Variants in NUMB observed in about 807,000 individuals in gnomAD.
The protein encoded by NUMB is NUMB endocytic adaptor protein.
NUMB carries 29 observed loss-of-function variants against 59.7 expected under a neutral mutation model. The ratio of observed to expected loss-of-function variants is 0.49; its 90% confidence interval spans 0.36 to 0.66. NUMB has a LOEUF of 0.66. NUMB is among the 30% of genes least tolerant of loss of function. The pLI, the probability that NUMB is intolerant of heterozygous loss-of-function variation, is 0.00. For synonymous variants in NUMB, 288 were observed against 288.2 expected (o/e 1.00, Z 0.01); for missense variants, 723 against 822.0 (o/e 0.88, Z 1.47).
At chr14:73,305,536 A>C (rs1890382903) in intron 6 of NUMB, among the ~76,000 whole-genome samples, 1 of 152,200 alleles carries the variant, frequency 6.6e-6, no homozygotes, top group Non-Finnish European at 1.5e-5. Context: ...TGACATTTGG[A>C]GGCAAGACAG....
At chr14:73,394,892 T>C (rs917607810) in intron 2 of NUMB, among the ~76,000 whole-genome samples, 1 of 152,220 alleles carries the variant, frequency 6.6e-6, no homozygotes, top group African/African-American at 2.4e-5. Context: ...AAAGTCAATA[T>C]TAGCACCCGG....
chr14:73,429,452 C>G (rs758479671), intron 1 of NUMB, among the ~76,000 whole-genome samples: 30 of 152,096 alleles, frequency 2.0e-4, no homozygotes, highest in Admixed American at 1.4e-3. Context: ...CAGTATGTGG[C>G]CTTTTAAGTC....
intron 2 of NUMB, among the ~76,000 whole-genome samples, chr14:73,387,756 C>A (rs1321866513): frequency 8.5e-4 from 114 of 134,372 alleles, no homozygotes; most frequent in African/African-American, 3.8e-3. Flanking sequence ...CAAAAACAAA[C>A]AAACAAAAAA....
At chr14:73,335,504 T>C (rs1015967627) in intron 4 of NUMB, among the ~76,000 whole-genome samples, 6 of 152,186 alleles carry the variant, frequency 3.9e-5, no homozygotes, top group African/African-American at 1.2e-4. Flanking sequence ...TTGCAGCTGA[T>C]TTATGCTTAA....
chr14:73,310,547 A>G (rs1421870399), intron 6 of NUMB, among the ~76,000 whole-genome samples: 1 of 152,188 alleles, frequency 6.6e-6, no homozygotes, highest in African/African-American at 2.4e-5. Flanking sequence ...GAACATCAAC[A>G]TGGGGTAGAT....
intron 1 of NUMB, among the ~76,000 whole-genome samples, chr14:73,426,646 A>G (rs1250044341): frequency 6.6e-6 from 1 of 152,088 alleles, no homozygotes; most frequent in East Asian, 1.9e-4. Flanking sequence ...CAGAAGTTCG[A>G]GAACTGCCTG....
Position 73,284,206 on chromosome 14 carries a change from C to A in NUMB, c.824G>T (p.Gly275Val). 6.2e-7 allele frequency: 1 copy of A among 1,614,140 alleles called. No homozygotes were observed. The highest frequency in any genetic ancestry group is 8.5e-7 in the Non-Finnish European group (1 of 1,180,034). Residue 275 changes from glycine (G) to valine (V), a missense_variant, in exon 10 of 13, where the codon GGC (glycine) becomes GTC (valine). This residue lies in a region of NUMB where 317 missense variants were observed against 436.6 expected (regional missense o/e 0.73). Coordinates refer to ENST00000555238, the MANE Select transcript of NUMB (RefSeq NM_001005743.2). The part of the protein sequence containing the change: ...HAPIEQLARQ[G>V]SFRGFPALSQ... ...AAGAGCAGGAAAACCTCGGAAAGAG[C>A]CTTGGCGAGCAAGCTGTTCAATTGG...
intron 2 of NUMB, among the ~76,000 whole-genome samples, chr14:73,383,987 A>G (rs1433997896): frequency 6.6e-6 from 1 of 152,116 alleles, no homozygotes; most frequent in South Asian, 2.1e-4. Flanking sequence ...ACTGCACTCC[A>G]GCCTGGGCGA....
At chr14:73,430,286 A>G (rs1329986091) in intron 1 of NUMB, among the ~76,000 whole-genome samples, 3 of 152,100 alleles carry the variant, frequency 2.0e-5, no homozygotes, top group African/African-American at 7.2e-5. Flanking sequence ...ATTTAATTAT[A>G]TATGACAACC....
rs531453324 is a variant in NUMB at position 73,335,697 on chromosome 14, C to A, written c.127-12493G>T. On this transcript the variant is annotated intron_variant, in intron 4 of 12. Coordinates refer to ENST00000555238, the MANE Select transcript of NUMB (RefSeq NM_001005743.2). ...AAATTATTTAAAAAATAGATTCCCT[C>A]CCCCTGCTTTCGTGATTTATCCATC... is the stretch of plus-strand genomic sequence containing the variant. Among the ~76,000 whole-genome samples the A allele has an allele frequency of 2.0e-4, 31 of 152,278 alleles. No homozygotes were observed. In the South Asian group the frequency reaches 6.0e-3, roughly 29 times the overall value.
Position 73,292,658 on chromosome 14 carries a change from G to A in NUMB, c.450+76C>T, listed in dbSNP as rs961583678. 4.6e-5 allele frequency: 68 copies of A among 1,479,388 alleles called. 1 individual carries two copies. The African/African-American group carries it at 7.3e-4, about 16-fold the overall frequency. 91.6% of individuals were successfully genotyped at this position (1,479,388 alleles called of 1,614,324 possible). A position where few individuals can be genotyped will look rare whatever the true frequency, so the allele number is the denominator to read the frequency against. On this transcript the variant is annotated intron_variant, in intron 8 of 12. Transcript: ENST00000555238. ...ACTTGTTAAAAATGTAGTAGAAACC[G>A]CTTGGCTGAGCAAACCCAGAAAGAG...
intron 6 of NUMB, among the ~76,000 whole-genome samples, chr14:73,308,435 T>C (rs1890586009): frequency 6.6e-6 from 1 of 152,140 alleles, no homozygotes; most frequent in Admixed American, 6.5e-5. Context: ...GAGAAAAAGT[T>C]TAATAATGAT....
At chr14:73,353,241 T>C (rs926043114) in intron 4 of NUMB, among the ~76,000 whole-genome samples, 3 of 151,054 alleles carry the variant, frequency 2.0e-5, no homozygotes, top group Admixed American at 2.0e-4. Flanking sequence ...AGCACTACCA[T>C]GCCCAGCTAA....
chr14:73,292,725 T>C lies in NUMB; in HGVS notation c.450+9A>G, dbSNP rs750294078. ...TACTCATCATGAAATACATATTTGC[T>C]GGACTCACTGTGTCCTTGACAGCCA... On this transcript the variant is annotated intron_variant, in intron 8 of 12. Transcript: ENST00000555238. 1 of 1,613,970 alleles carries C rather than the reference T, an allele frequency of 6.2e-7. No homozygotes were observed. Among genetic ancestry groups the C allele is most frequent in the Non-Finnish European group, 8.5e-7 (1 of 1,179,894 alleles).
At chr14:73,447,349 G>A (rs551809930) in intron 1 of NUMB, among the ~76,000 whole-genome samples, 130 of 152,004 alleles carry the variant, frequency 8.6e-4, no homozygotes, top group Non-Finnish European at 1.6e-3. Flanking sequence ...TTAGCTGGGC[G>A]TGGTGGCAGG....
At chr14:73,313,967 C>A (rs1006166815) in intron 6 of NUMB, among the ~76,000 whole-genome samples, 4 of 152,066 alleles carry the variant, frequency 2.6e-5, no homozygotes, top group Admixed American at 6.5e-5. Flanking sequence ...CATGCCGAGG[C>A]GGGCAGATCA....
At chr14:73,401,891 T>A (rs1896436222) in intron 2 of NUMB, among the ~76,000 whole-genome samples, 1 of 150,280 alleles carries the variant, frequency 6.7e-6, no homozygotes, top group Non-Finnish European at 1.5e-5. Flanking sequence ...TGAGACAGGG[T>A]CTCTGTCACC....
intron 1 of NUMB, among the ~76,000 whole-genome samples, chr14:73,414,180 C>T (rs370886923): frequency 2.6e-5 from 4 of 152,062 alleles, no homozygotes; most frequent in African/African-American, 9.7e-5. Context: ...TGGTCTCAAA[C>T]TCCTGACCTC....
At chr14:73,324,571 C>CT (rs1855060217) in intron 4 of NUMB, among the ~76,000 whole-genome samples, 1 of 151,656 alleles carries the variant, frequency 6.6e-6, no homozygotes, top group African/African-American at 2.4e-5. Context: ...AATTGAGGTG[C>CT]TAAAATGGCA....
Sources: allele counts gnomAD v4.1 joint callset (sites outside exome capture counted in the v4.1 genomes callset), GRCh38; gene constraint gnomAD v4.1.1; regional missense constraint gnomAD v4.1.1; transcripts MANE v1.5; gene names NCBI Gene and HGNC (gene_info 2026-07-23, HGNC 2026-07-21).